Variants in TRPM1 observed in about 807,000 individuals in gnomAD.
The protein encoded by TRPM1 is transient receptor potential cation channel subfamily M member 1, also known as TRPM1-203 APA Isoform, Intron 10.
A neutral mutation model predicts 149.4 loss-of-function variants in TRPM1; 113 were observed. That is an observed-to-expected ratio of 0.76 (90% CI 0.65 to 0.88). The LOEUF is 0.88. Ranked by LOEUF, TRPM1 falls within the 40% of genes least tolerant of loss-of-function variation. TRPM1 has a pLI of 0.00. For missense variants in TRPM1, 1,976 were observed against 2,038.7 expected, an observed-to-expected ratio of 0.97 and a Z score of 0.59; for synonymous variants, 741 against 759.5, an observed-to-expected ratio of 0.98 and a Z score of 0.40.
intron 26 of TRPM1, among the ~76,000 whole-genome samples, 188 bp downstream of exon 26, chr15:31,026,727 A>G (rs1244694656): frequency 1.3e-5 from 2 of 152,246 alleles, no homozygotes; most frequent in African/African-American, 2.4e-5. Context: ...AATATTAATT[A>G]CTAACAAATT....
At chr15:31,050,729 C>T (rs2033926426) in intron 11 of TRPM1, 147 bp from the exon 12 acceptor site, 2 of 832,094 alleles carry the variant, frequency 2.4e-6, no homozygotes, top group Admixed American at 2.0e-5. Context: ...ACACAGTGCA[C>T]ACATATGCCC....
chr15:31,149,056 C>G lies in TRPM1; in HGVS notation c.54+11850G>C, dbSNP rs371883308. ...CTCGCAGGTCTGAGAGTGGCTGGTT[C>G]ATGTGAGATGCCGTGACCAACCTTT... On this transcript the variant is annotated intron_variant, in intron 1 of 26. Coordinates refer to the TRPM1 transcript ENST00000542188. Among the ~76,000 whole-genome samples, 18 of 152,332 alleles carry G rather than the reference C, an allele frequency of 1.2e-4. No homozygotes were observed. The East Asian group carries it at 3.1e-3, about 26-fold the overall frequency.
chr15:31,065,194 A>G (rs2034336890), intron 7 of TRPM1: 1 of 518,440 alleles, frequency 1.9e-6, no homozygotes, highest in Non-Finnish European at 4.0e-6. Flanking sequence ...ATGTGAGAAC[A>G]AAAAACATTC....
intron 1 of TRPM1, among the ~76,000 whole-genome samples, chr15:31,093,329 G>C (rs908902709): frequency 2.0e-5 from 3 of 147,876 alleles, no homozygotes; most frequent in Non-Finnish European, 4.5e-5. Context: ...AGCTACTAGA[G>C]CTAATAAACT....
intron 14 of TRPM1, 50 bp downstream of exon 14, chr15:31,047,839 G>T (rs1461525296): frequency 6.8e-7 from 1 of 1,466,488 alleles, no homozygotes; most frequent in South Asian, 1.1e-5. Flanking sequence ...CTTAAGAAAT[G>T]ATTTTGTGAA....
chr15:31,119,842 C>T (rs2035853328), intron 1 of TRPM1, among the ~76,000 whole-genome samples: 1 of 151,992 alleles, frequency 6.6e-6, no homozygotes, highest in African/African-American at 2.4e-5. Context: ...AACTCTAGAG[C>T]AACCACTAAA....
chr15:31,011,894 C>A (rs1312806595), intron 27 of TRPM1, among the ~76,000 whole-genome samples: 1 of 152,132 alleles, frequency 6.6e-6, no homozygotes, highest in African/African-American at 2.4e-5. Context: ...GAACTCTCGA[C>A]CTCAGGTGAT....
intron 1 of TRPM1, among the ~76,000 whole-genome samples, chr15:31,092,923 A>G (rs2035280917): frequency 6.6e-6 from 1 of 152,248 alleles, no homozygotes; most frequent in South Asian, 2.1e-4. Context: ...AAGCAGGTGA[A>G]GCTCAACAAT....
intron 16 of TRPM1, among the ~76,000 whole-genome samples, chr15:31,043,483 C>G (rs2338835): frequency 0.52 from 79,004 of 152,080 alleles, 21,938 homozygotes; most frequent in East Asian, 0.94. Context: ...TGAGCCACCA[C>G]GCCCGGCCAC....
At chr15:31,065,165 A>G (rs763738599) in intron 7 of TRPM1, 1 of 529,730 alleles carries the variant, frequency 1.9e-6, no homozygotes, top group Non-Finnish European at 3.9e-6. Context: ...AAAAACTTAC[A>G]AGTCCAGAAA....
At chr15:31,160,463 G>A (rs561696156) in intron 1 of TRPM1, among the ~76,000 whole-genome samples, 96 of 152,278 alleles carry the variant, frequency 6.3e-4, no homozygotes, top group Middle Eastern at 6.8e-3. Context: ...CTAAGGGCGA[G>A]GCCCAAGCCT....
intron 1 of TRPM1, among the ~76,000 whole-genome samples, chr15:31,089,505 A>T (rs1311224784): frequency 6.6e-6 from 1 of 152,190 alleles, no homozygotes; most frequent in Non-Finnish European, 1.5e-5. Context: ...AACACTGGGG[A>T]GGCCTGTGTG....
At chr15:31,156,326 CAT>C (rs2036377152) in intron 1 of TRPM1, among the ~76,000 whole-genome samples, 1 of 149,356 alleles carries the variant, frequency 6.7e-6, no homozygotes, top group Non-Finnish European at 1.5e-5. Context: ...GTTCTATTAA[CAT>C]AATAGAGCTT....
chr15:31,024,048 A>C (rs1424054450), intron 27 of TRPM1, among the ~76,000 whole-genome samples: 5 of 152,158 alleles, frequency 3.3e-5, no homozygotes, highest in Admixed American at 6.5e-5. Context: ...TGTAAAACTG[A>C]GTCATGAGAA....
At position 31,076,905 on chromosome 15, in the gene TRPM1, C is replaced by T. The variant is rs2034708424; in HGVS notation, c.83G>A (p.Arg28Lys). The T allele has an allele frequency of 6.3e-7, 1 of 1,596,466 alleles. No homozygotes were observed. The highest frequency in any genetic ancestry group is 8.6e-7 in the Non-Finnish European group (1 of 1,164,130). Residue 28 changes from arginine (R) to lysine (K), a missense_variant and splice_region_variant, in exon 3 of 28, where the codon AGG becomes AAG. Arg to Lys is a conservative substitution (Grantham distance 26). Coordinates refer to ENST00000256552, the MANE Select transcript of TRPM1 (RefSeq NM_001252024.2). ...FVIPSMKDSNRCCCGQFTNQH... is the reference protein window; with the variant it reads ...FVIPSMKDSNKCCCGQFTNQH... ...GTCTTAATCGTGGATTTCAATTTAC[C>T]TGTTAGAGTCTTTCATGCTAGGAAT...
At chr15:31,023,953 T>C (rs534841474) in intron 27 of TRPM1, among the ~76,000 whole-genome samples, 1 of 152,264 alleles carries the variant, frequency 6.6e-6, no homozygotes, top group Non-Finnish European at 1.5e-5. Context: ...GAGAGAACCA[T>C]GAATTTGGTT....
At chr15:31,049,704 G>T (rs569959919) in intron 12 of TRPM1, among the ~76,000 whole-genome samples, 195 bp from the exon 13 acceptor site, 32 of 152,316 alleles carry the variant, frequency 2.1e-4, no homozygotes, top group African/African-American at 6.0e-4. Flanking sequence ...GCCTCTACAT[G>T]TTCCATCCAT....
chr15:31,081,308 G>C (rs995269679), intron 2 of TRPM1, 45 bp downstream of exon 2: 5 of 1,110,490 alleles, frequency 4.5e-6, no homozygotes, highest in African/African-American at 3.1e-5. Context: ...TACTTTCTCA[G>C]GGGGGGAGGG....
At chr15:31,055,876 C>T (rs747851857) in intron 11 of TRPM1, among the ~76,000 whole-genome samples, 54 of 152,180 alleles carry the variant, frequency 3.5e-4, no homozygotes, top group Non-Finnish European at 6.8e-4. Context: ...AACAGCATAA[C>T]AGAAAAACCC....
Sources: gnomAD v4.1 joint callset for allele counts (sites outside exome capture counted in the v4.1 genomes callset) on GRCh38, gnomAD v4.1.1 for gene constraint, MANE v1.5 for transcripts, NCBI Gene and HGNC (gene_info 2026-07-23, HGNC 2026-07-21) for gene names.